Variants in CLVS1 observed in about 807,000 individuals in gnomAD.
CLVS1 encodes clavesin-1.
CLVS1 carries 10 observed loss-of-function variants against 33.1 expected under a neutral mutation model. That is an observed-to-expected ratio of 0.30 (90% confidence interval 0.19 to 0.51). The LOEUF is 0.51. Ranked by LOEUF, CLVS1 falls within the 20% of genes least tolerant of loss-of-function variation. The probability of loss-of-function intolerance (pLI) is 0.97; values close to 1 mark genes in which losing one functional copy is unlikely to be tolerated. For synonymous variants in CLVS1, 163 were observed against 166.1 expected (o/e 0.98, Z 0.14); for missense variants, 343 against 433.4 (o/e 0.79, Z 1.85).
chr8:61,114,561 A>G (rs1388935274), intron 1 of CLVS1, among the ~76,000 whole-genome samples: 2 of 152,228 alleles, frequency 1.3e-5, no homozygotes, highest in Non-Finnish European at 2.9e-5. Flanking sequence ...AATGTTTATC[A>G]TCCAGCTAGC....
At chr8:61,333,739 T>A (rs534670196) in intron 2 of CLVS1, among the ~76,000 whole-genome samples, 8 of 152,140 alleles carry the variant, frequency 5.3e-5, no homozygotes, top group Non-Finnish European at 1.0e-4. Flanking sequence ...CAGGGCTACG[T>A]GTGTAGGTTT....
chr8:61,229,375 C>T (rs948514920), intron 2 of CLVS1, among the ~76,000 whole-genome samples: 4 of 152,244 alleles, frequency 2.6e-5, no homozygotes, highest in Non-Finnish European at 5.9e-5. Context: ...AATGCTTTAC[C>T]TCTGTTCCCA....
chr8:61,256,719 A>T lies in CLVS1; in HGVS notation c.-151-42958A>T, dbSNP rs184896834. ...CAAATGGCAAATTACTAGCACAGGT[A>T]ACTTTGTTCTGACCATTGTTATTAA... On this transcript the variant is annotated intron_variant, in intron 2 of 2. Transcript: ENST00000522621. Among the ~76,000 whole-genome samples, 229 of 152,284 alleles carry T rather than the reference A, an allele frequency of 1.5e-3. 1 individual carries two copies. The highest frequency in any genetic ancestry group is 2.6e-3 in the Non-Finnish European group (179 of 67,984).
chr8:61,150,831 T>A (rs1202911738), intron 2 of CLVS1, among the ~76,000 whole-genome samples: 1 of 152,154 alleles, frequency 6.6e-6, no homozygotes, highest in Non-Finnish European at 1.5e-5. Flanking sequence ...ATGAGTCCAC[T>A]TTTCACAGAG....
chr8:60,988,885 A>G, the CLVS1 span, among the ~76,000 whole-genome samples: 2 of 152,208 alleles, frequency 1.3e-5, no homozygotes, highest in Non-Finnish European at 2.9e-5. Context: ...TCTTTTTTGC[A>G]ACAGAGTCTT....
the CLVS1 span, chr8:60,966,147 C>T: frequency 1.1e-4 from 34 of 299,032 alleles, no homozygotes; most frequent in South Asian, 9.3e-4. Flanking sequence ...ATTTCTCTTT[C>T]CCTCTTTCTT....
intron 5 of CLVS1, among the ~76,000 whole-genome samples, chr8:61,491,660 TA>T (rs1401468800): frequency 6.6e-6 from 1 of 152,200 alleles, no homozygotes; most frequent in Non-Finnish European, 1.5e-5. Flanking sequence ...CTAAGAATGC[TA>T]ACTGTTCTTC....
chr8:61,288,207 G>T (rs1563478376), intron 1 of CLVS1, 69 bp downstream of exon 1: 1 of 456,260 alleles, frequency 2.2e-6, no homozygotes, highest in Non-Finnish European at 4.4e-6. Context: ...CTCTTTCGAT[G>T]CCATGGCTGC....
chr8:61,012,449 C>T, the CLVS1 span, among the ~76,000 whole-genome samples: 3 of 152,208 alleles, frequency 2.0e-5, no homozygotes. Context: ...GAAATGGAAA[C>T]ATTAGGAAAT....
intron 2 of CLVS1, among the ~76,000 whole-genome samples, chr8:61,171,715 C>T (rs1807004358): frequency 6.6e-6 from 1 of 152,178 alleles, no homozygotes; most frequent in Non-Finnish European, 1.5e-5. Context: ...CATTCCTTAT[C>T]TCTTAAGAGC....
the CLVS1 span, among the ~76,000 whole-genome samples, chr8:60,967,967 C>G: frequency 6.6e-6 from 1 of 152,166 alleles, no homozygotes; most frequent in African/African-American, 2.4e-5. Flanking sequence ...GAGACAGGGT[C>G]TTGTTCTGTC....
At chr8:61,147,467 G>T (rs900412055) in intron 2 of CLVS1, among the ~76,000 whole-genome samples, 1 of 152,278 alleles carries the variant, frequency 6.6e-6, no homozygotes, top group East Asian at 1.9e-4. Flanking sequence ...ACATTTCTGG[G>T]CATAGTAGTT....
intron 5 of CLVS1, among the ~76,000 whole-genome samples, chr8:61,484,066 C>G (rs1331054228): frequency 6.6e-6 from 1 of 152,200 alleles, no homozygotes; most frequent in African/African-American, 2.4e-5. Flanking sequence ...CACTCCTATT[C>G]AACCTACTGT....
intron 2 of CLVS1, among the ~76,000 whole-genome samples, chr8:61,155,240 C>T (rs1415859798): frequency 6.6e-6 from 1 of 152,206 alleles, no homozygotes; most frequent in Admixed American, 6.5e-5. Flanking sequence ...CATAGCACCT[C>T]TACATTGTCT....
At chr8:61,038,079 G>A in the CLVS1 span, among the ~76,000 whole-genome samples, 1 of 152,192 alleles carries the variant, frequency 6.6e-6, no homozygotes, top group Non-Finnish European at 1.5e-5. Context: ...CCACTCTGTA[G>A]ATCAGTTCTG....
At chr8:61,218,441 G>A (rs1205244545) in intron 2 of CLVS1, among the ~76,000 whole-genome samples, 1 of 151,898 alleles carries the variant, frequency 6.6e-6, no homozygotes, top group Non-Finnish European at 1.5e-5. Flanking sequence ...ATACGTGGAA[G>A]CAAAAAGAAA....
At chr8:61,378,531 C>T (rs547784796) in intron 3 of CLVS1, among the ~76,000 whole-genome samples, 13 of 152,262 alleles carry the variant, frequency 8.5e-5, no homozygotes, top group South Asian at 2.1e-4. Context: ...GGGTCCAAGA[C>T]GAATTTCATA....
intron 1 of CLVS1, chr8:61,090,972 C>T (rs1585603073): frequency 6.2e-6 from 3 of 487,710 alleles, no homozygotes; most frequent in South Asian, 4.4e-5. Context: ...CTGTGGTAGA[C>T]TGATTAATGA....
intron 2 of CLVS1, among the ~76,000 whole-genome samples, chr8:61,365,612 G>T (rs887226386): frequency 6.6e-6 from 1 of 152,134 alleles, no homozygotes; most frequent in Non-Finnish European, 1.5e-5. Flanking sequence ...CACTCATGTC[G>T]GGGAGATTTT....
Sources: gnomAD v4.1 joint callset for allele counts (sites outside exome capture counted in the v4.1 genomes callset) on GRCh38, gnomAD v4.1.1 for gene constraint, MANE v1.5 for transcripts, NCBI Gene and HGNC (gene_info 2026-07-23, HGNC 2026-07-21) for gene names.